The following NSD2 variants were observed in gnomAD, a reference collection of about 807,000 sequenced individuals.
NSD2 encodes nuclear receptor binding SET domain protein 2, also known as histone-lysine N-methyltransferase NSD2.
In NSD2, 12 loss-of-function variants were observed where a neutral mutation model predicts 139.0. The observed-to-expected ratio is 0.09, with a 90% CI of 0.06 to 0.14. The LOEUF (loss-of-function observed/expected upper bound fraction) is 0.14, where lower values mean the gene tolerates loss of function less well. Among genes scored for constraint, NSD2 ranks in the 10% least tolerant of loss-of-function variants. The probability of loss-of-function intolerance (pLI) is 1.00; values close to 1 mark genes in which losing one functional copy is unlikely to be tolerated. For missense variants in NSD2, 1,155 were observed against 1,745.0 expected, an observed-to-expected ratio of 0.66 and a Z score of 6.02; for synonymous variants, 669 against 648.7, an observed-to-expected ratio of 1.03 and a Z score of -0.48.
At chr4:1,959,868 GT>G in intron 17 of NSD2, 128 bp downstream of exon 17, 8 of 1,279,460 alleles carry the variant, frequency 6.3e-6, no homozygotes, top group Non-Finnish European at 8.5e-6. Flanking sequence ...AATTTTTTTT[GT>G]TTTTGTTTTG....
intron 18 of NSD2, among the ~76,000 whole-genome samples, chr4:1,965,829 C>A (rs1354546006): frequency 6.6e-6 from 1 of 152,194 alleles, no homozygotes; most frequent in Admixed American, 6.5e-5. Context: ...ACCATCAGAT[C>A]TTGAGAGAAC....
intron 4 of NSD2, 149 bp downstream of exon 4, chr4:1,917,186 C>T: frequency 1.1e-6 from 1 of 895,326 alleles, no homozygotes; most frequent in South Asian, 2.0e-5. Flanking sequence ...CCAAGGATGC[C>T]ATGTTACAAT....
At chr4:1,957,467 T>G (rs1352977205) in intron 15 of NSD2, among the ~76,000 whole-genome samples, 4 of 150,748 alleles carry the variant, frequency 2.7e-5, no homozygotes, top group Middle Eastern at 3.2e-3. Flanking sequence ...TTTTTTTTTT[T>G]GTAGAGAATG....
At chr4:1,891,976 A>T (rs1195781463) in intron 1 of NSD2, among the ~76,000 whole-genome samples, 1 of 151,326 alleles carries the variant, frequency 6.6e-6, no homozygotes, top group East Asian at 1.9e-4. Flanking sequence ...CTGCCTCCCC[A>T]TTGCCCTCTA....
intron 6 of NSD2, among the ~76,000 whole-genome samples, chr4:1,931,308 A>AG (rs1403145673): frequency 6.6e-6 from 1 of 152,176 alleles, no homozygotes; most frequent in Non-Finnish European, 1.5e-5. Flanking sequence ...CCTTGAATTC[A>AG]GGTATCCTTT....
Position 1,974,306 on chromosome 4 carries a change from G to A in NSD2, c.3373-557G>A, listed in dbSNP as rs1726831361. Among the ~76,000 whole-genome samples, 3 of 151,988 alleles carry A rather than the reference G, an allele frequency of 2.0e-5. No individual in the cohort carries two copies. Among genetic ancestry groups the A allele is most frequent in the Non-Finnish European group, 4.4e-5 (3 of 68,000 alleles). ...ACTCTCTGTAACCTCCGCCTCCCGGGTTCAAGTGATTCTCCTGCCTCAGCC... is the reference window on the plus strand; with the variant it reads ...ACTCTCTGTAACCTCCGCCTCCCGGATTCAAGTGATTCTCCTGCCTCAGCC... On this transcript the variant is annotated intron_variant, in intron 18 of 21. Coordinates refer to ENST00000508803, the MANE Select transcript of NSD2 (RefSeq NM_001042424.3). This position sits in a 1 kb window ranked among gnomAD's most constrained non-coding sequence, Gnocchi z 4.0.
At chr4:1,939,321 A>T (rs1722830307) in intron 8 of NSD2, 1 of 297,920 alleles carries the variant, frequency 3.4e-6, no homozygotes, top group African/African-American at 2.1e-5. Context: ...ATGTTTAGAG[A>T]TTTGTGCTAA....
At chr4:1,918,897 C>G (rs573224031) in intron 5 of NSD2, 1 of 313,474 alleles carries the variant, frequency 3.2e-6, no homozygotes, top group Admixed American at 4.6e-5. Context: ...CCTGTAATTT[C>G]AGTACTTTGG....
rs936419929 is a variant in NSD2, at chr4:1,943,737, C to T, written c.1881+3959C>T. Reference sequence around the variant, plus strand: ...AAAATTAAAATTCTCAAAAAAAAACCCCACGAAATTTAAAGATGGGGAAAA... The same window carrying T: ...AAAATTAAAATTCTCAAAAAAAAACTCCACGAAATTTAAAGATGGGGAAAA... On this transcript the variant is annotated intron_variant, in intron 9 of 21. Transcript: ENST00000508803. The T allele has an allele frequency of 9.0e-5, 95 of 1,057,132 alleles. No homozygotes were observed. The Middle Eastern group carries it at 3.0e-3, about 33-fold the overall frequency. The allele number at this position is 1,057,132 out of a possible 1,614,324, so 65.5% of individuals were successfully genotyped here.
intron 6 of NSD2, among the ~76,000 whole-genome samples, chr4:1,932,598 T>G (rs1007576572): frequency 1.3e-5 from 2 of 151,328 alleles, no homozygotes; most frequent in Admixed American, 6.6e-5. Flanking sequence ...AATACAAAAT[T>G]AGCCAGGCGT....
At chr4:1,932,955 AG>A (rs925476959) in intron 6 of NSD2, among the ~76,000 whole-genome samples, 9 of 152,162 alleles carry the variant, frequency 5.9e-5, no homozygotes, top group African/African-American at 1.9e-4. Context: ...GACCTGCCTG[AG>A]GGGGGCCTCG....
intron 18 of NSD2, among the ~76,000 whole-genome samples, chr4:1,970,516 G>A (rs541099387): frequency 1.3e-5 from 2 of 152,330 alleles, no homozygotes; most frequent in East Asian, 3.9e-4. Flanking sequence ...CCGGGGGTGA[G>A]TGTGCCAGAA....
chr4:1,879,063 A>T (rs969896613), intron 1 of NSD2, among the ~76,000 whole-genome samples: 1 of 152,070 alleles, frequency 6.6e-6, no homozygotes, highest in Non-Finnish European at 1.5e-5. Context: ...GATCTCACCT[A>T]CCTGCCTAAA....
intron 7 of NSD2, among the ~76,000 whole-genome samples, chr4:1,936,297 G>C (rs2108881685): frequency 6.6e-6 from 1 of 152,324 alleles, no homozygotes; most frequent in South Asian, 2.1e-4. Context: ...CATTTCAACT[G>C]TCTCAGATGT....
At chr4:1,903,850 T>C (rs1366317470) in intron 2 of NSD2, among the ~76,000 whole-genome samples, 1 of 151,172 alleles carries the variant, frequency 6.6e-6, no homozygotes, top group Non-Finnish European at 1.5e-5. Flanking sequence ...TTCTCCTGCC[T>C]CAGCTTCCTG....
intron 18 of NSD2, among the ~76,000 whole-genome samples, chr4:1,964,829 T>C (rs777352537): frequency 6.6e-6 from 1 of 151,780 alleles, no homozygotes; most frequent in Non-Finnish European, 1.5e-5. Flanking sequence ...ATTTAGAAAA[T>C]TAGACAGTGA....
At chr4:1,879,407 G>C (rs911484998) in intron 1 of NSD2, among the ~76,000 whole-genome samples, 46 of 152,168 alleles carry the variant, frequency 3.0e-4, no homozygotes, top group Middle Eastern at 3.4e-3. Context: ...TTTTAGTAGA[G>C]ACGGGGTTTC....
rs1156435661 is a variant in NSD2 at position 1,980,426 on chromosome 4, A to G, written c.*1517A>G. 4.3e-6 allele frequency: 1 copy of G among 233,038 alleles called. No homozygotes were observed. Among genetic ancestry groups the G allele is most frequent in the African/African-American group, 2.2e-5 (1 of 45,314 alleles). The allele number at this position is 233,038 out of a possible 1,614,324, so 14.4% of individuals were successfully genotyped here. ...GTGCTTTTTTATGGCCTTTTCTTAA[A>G]ATAACCTAAGGGGGACACATCCATC... On this transcript the variant is annotated 3_prime_UTR_variant, in exon 22 of 22. Transcript: ENST00000508803.
chr4:1,976,440 C>T lies in NSD2; in HGVS notation c.3622-35C>T. 6.2e-7 allele frequency: 1 copy of T among 1,600,792 alleles called. No homozygotes were observed. Among genetic ancestry groups the T allele is most frequent in the African/African-American group, 1.3e-5 (1 of 74,874 alleles). On this transcript the variant is annotated intron_variant, in intron 20 of 21. Coordinates refer to ENST00000508803, the MANE Select transcript of NSD2 (RefSeq NM_001042424.3). This position sits in a 1 kb window ranked among gnomAD's most constrained non-coding sequence, Gnocchi z 5.3. ...CCTATTTGCTTCAGCCTGTGTAATT[C>T]TTTCCGGTGATCTGTGCTTAATTCT...
Sources: gnomAD v4.1 joint callset for allele counts (sites outside exome capture counted in the v4.1 genomes callset) on GRCh38, gnomAD v4.1.1 for gene constraint, Gnocchi (gnomAD v3.1) non-coding constraint, MANE v1.5 for transcripts, NCBI Gene and HGNC (gene_info 2026-07-23, HGNC 2026-07-21) for gene names.